Variants in NCALD observed in about 807,000 individuals in gnomAD.
NCALD encodes the protein neurocalcin-delta.
In NCALD, 10 loss-of-function variants were observed where a neutral mutation model predicts 18.6. The ratio of observed to expected loss-of-function variants is 0.54; its 90% CI spans 0.33 to 0.91. NCALD has a LOEUF of 0.91. Among genes scored for constraint, NCALD ranks in the 40% least tolerant of loss-of-function variants. The probability of loss-of-function intolerance (pLI) is 0.03; values close to 1 mark genes in which losing one functional copy is unlikely to be tolerated. For synonymous variants in NCALD, 88 were observed against 87.4 expected (o/e 1.01, Z -0.04); for missense variants, 184 against 247.6 (o/e 0.74, Z 1.72).
chr8:102,084,746 A>T (rs970005807), intron 1 of NCALD, among the ~76,000 whole-genome samples: 4 of 151,920 alleles, frequency 2.6e-5, no homozygotes. Flanking sequence ...AACCCGCCCA[A>T]CTCCGGAGAT....
At chr8:101,906,453 T>C (rs1817614487) in intron 3 of NCALD, among the ~76,000 whole-genome samples, 1 of 152,174 alleles carries the variant, frequency 6.6e-6, no homozygotes, top group South Asian at 2.1e-4. Context: ...ATGACTCAAC[T>C]TTGCCATTGA....
At chr8:101,889,482 T>G (rs910568860) in intron 3 of NCALD, among the ~76,000 whole-genome samples, 1 of 152,192 alleles carries the variant, frequency 6.6e-6, no homozygotes, top group Non-Finnish European at 1.5e-5. Flanking sequence ...GCAGAACCCA[T>G]ACTCTGAATA....
At chr8:102,027,726 G>C (rs1348921672) in intron 1 of NCALD, among the ~76,000 whole-genome samples, 1 of 152,154 alleles carries the variant, frequency 6.6e-6, no homozygotes, top group Non-Finnish European at 1.5e-5. Context: ...TCTGAACCAG[G>C]TAATTTAGAA....
At chr8:102,015,168 T>C (rs1367921536) in intron 2 of NCALD, among the ~76,000 whole-genome samples, 2 of 152,216 alleles carry the variant, frequency 1.3e-5, no homozygotes, top group Non-Finnish European at 2.9e-5. Flanking sequence ...TGCAAACTTC[T>C]CCAGAATGCC....
chr8:101,914,067 C>A (rs995596746), intron 3 of NCALD, among the ~76,000 whole-genome samples: 7 of 152,152 alleles, frequency 4.6e-5, no homozygotes, highest in African/African-American at 1.4e-4. Context: ...GAACTAAACT[C>A]CATACTTTAA....
In NCALD at chr8:101,692,610, C is replaced by T. The variant is rs954145551; in HGVS notation, c.484+181G>A. ...AGAAAAAACTAGAAATAAGGCATTT[C>T]CCCCAATTCTGGGCTCAGCTCTCCT... On this transcript the variant is annotated intron_variant, in intron 3 of 3. Transcript: ENST00000220931. The T allele has an allele frequency of 9.1e-5, 89 of 982,964 alleles. No individual in the cohort carries two copies. The African/African-American group carries it at 1.5e-3, about 17-fold the overall frequency. 60.9% of individuals were successfully genotyped at this position (982,964 alleles called of 1,614,324 possible).
At chr8:102,093,842 AAC>A (rs141389982) in intron 1 of NCALD, among the ~76,000 whole-genome samples, 3,917 of 152,268 alleles carry the variant, frequency 0.026, 129 homozygotes, top group East Asian at 0.13. Flanking sequence ...CCTGCAATCA[AAC>A]ACAATTCCTA....
intron 1 of NCALD, among the ~76,000 whole-genome samples, chr8:102,056,160 C>T (rs1428215271): frequency 6.6e-6 from 1 of 152,122 alleles, no homozygotes; most frequent in Admixed American, 6.5e-5. Context: ...TATCATAAGA[C>T]ATATGGAATG....
chr8:101,909,447 T>C (rs962299556), intron 3 of NCALD, among the ~76,000 whole-genome samples: 5 of 152,166 alleles, frequency 3.3e-5, no homozygotes, highest in Admixed American at 1.3e-4. Flanking sequence ...CATCACTGCC[T>C]TGCTCCACAC....
At chr8:101,836,014 T>C (rs930643042) in intron 4 of NCALD, among the ~76,000 whole-genome samples, 3 of 151,754 alleles carry the variant, frequency 2.0e-5, no homozygotes, top group Admixed American at 1.3e-4. Flanking sequence ...ACACAGAAGC[T>C]CTCCAACAAA....
chr8:102,064,072 G>A (rs2132268580), intron 1 of NCALD, among the ~76,000 whole-genome samples: 1 of 152,292 alleles, frequency 6.6e-6, no homozygotes, highest in African/African-American at 2.4e-5. Flanking sequence ...ACTGATAAAT[G>A]TTCCAACATG....
Position 101,687,339 on chromosome 8 carries a change from T to G in NCALD, c.*1970A>C, listed in dbSNP as rs1050808824. On this transcript the variant is annotated 3_prime_UTR_variant, in exon 4 of 4. Coordinates refer to ENST00000220931, the MANE Select transcript of NCALD (RefSeq NM_032041.3). ...CTAGGTCTCCTCACCCAGTCTGCCT[T>G]CTGTGTCTTAGGTTAATTCGCTATT... is the stretch of plus-strand genomic sequence containing the variant. 6.5e-6 allele frequency: 1 copy of G among 152,724 alleles called. No individual in the cohort carries two copies. Among genetic ancestry groups the G allele is most frequent in the Non-Finnish European group, 1.5e-5 (1 of 68,048 alleles). The allele number at this position is 152,724 out of a possible 1,614,324, so 9.5% of individuals were successfully genotyped here. A position where few individuals can be genotyped will look rare whatever the true frequency, so the allele number is the denominator to read the frequency against.
chr8:102,059,143 G>A (rs1047938124), intron 1 of NCALD, among the ~76,000 whole-genome samples: 4 of 152,112 alleles, frequency 2.6e-5, no homozygotes, highest in African/African-American at 7.2e-5. Flanking sequence ...ATATAGTTCC[G>A]TATGTATTCC....
intron 2 of NCALD, among the ~76,000 whole-genome samples, chr8:101,961,087 G>A (rs1478134380): frequency 6.6e-6 from 1 of 152,126 alleles, no homozygotes; most frequent in Non-Finnish European, 1.5e-5. Flanking sequence ...GTGCCGTAAT[G>A]CTGATTGTAT....
chr8:101,840,687 T>A (rs1178650062), intron 4 of NCALD, among the ~76,000 whole-genome samples: 2 of 152,226 alleles, frequency 1.3e-5, no homozygotes, highest in African/African-American at 2.4e-5. Context: ...ATTAATTTTT[T>A]AAAATTTAGC....
At chr8:102,042,971 G>A (rs1823106127) in intron 1 of NCALD, among the ~76,000 whole-genome samples, 1 of 151,878 alleles carries the variant, frequency 6.6e-6, no homozygotes, top group African/African-American at 2.4e-5. Flanking sequence ...CAATGTGGAA[G>A]AGCCAGATGC....
chr8:101,828,391 A>G (rs906709832), intron 4 of NCALD, among the ~76,000 whole-genome samples: 2 of 152,052 alleles, frequency 1.3e-5, no homozygotes, highest in African/African-American at 4.8e-5. Context: ...CAGAAGCACA[A>G]TCCCTCTAGG....
At chr8:101,971,080 T>G (rs1325927479) in intron 2 of NCALD, among the ~76,000 whole-genome samples, 2 of 152,088 alleles carry the variant, frequency 1.3e-5, no homozygotes, top group Non-Finnish European at 2.9e-5. Flanking sequence ...ATGGCCCTCA[T>G]CAGAAGCCAA....
At chr8:101,766,302 GT>G (rs1811344107) in intron 1 of NCALD, among the ~76,000 whole-genome samples, 3 of 152,024 alleles carry the variant, frequency 2.0e-5, no homozygotes, top group Admixed American at 1.3e-4. Flanking sequence ...TCTTTAACAT[GT>G]TTTTCTTGAT....
Sources: allele counts gnomAD v4.1 joint callset (sites outside exome capture counted in the v4.1 genomes callset), GRCh38; gene constraint gnomAD v4.1.1; transcripts MANE v1.5; gene names NCBI Gene and HGNC (gene_info 2026-07-23, HGNC 2026-07-21).